The following DYDC1 variants were observed in gnomAD, a reference collection of about 807,000 sequenced individuals.
DYDC1 encodes the protein DPY30 domain containing 1, also known as DPY30 domain-containing protein 1.
Under a neutral mutation model 27.9 loss-of-function variants are expected in DYDC1, and 21 were observed. That is an observed-to-expected ratio of 0.75 (90% confidence interval 0.53 to 1.08). The LOEUF (loss-of-function observed/expected upper bound fraction) is 1.08, where lower values mean the gene tolerates loss of function less well. Among genes scored for constraint, DYDC1 ranks in the 50% least tolerant of loss-of-function variants. DYDC1 has a pLI of 0.00. For missense variants in DYDC1, 202 were observed against 205.9 expected, an observed-to-expected ratio of 0.98 and a Z score of 0.12; for synonymous variants, 67 against 65.8, an observed-to-expected ratio of 1.02 and a Z score of -0.09.
At chr10:80,345,246 C>T (rs1842541703) in intron 3 of DYDC1, among the ~76,000 whole-genome samples, 1 of 152,142 alleles carries the variant, frequency 6.6e-6, no homozygotes, top group Admixed American at 6.5e-5. Context: ...TCCTGATGTC[C>T]TACCACACAG....
intron 1 of DYDC1, 100 bp from the exon 2 acceptor site, chr10:80,352,710 C>T: frequency 7.3e-7 from 1 of 1,364,998 alleles, no homozygotes; most frequent in African/African-American, 1.5e-5. Flanking sequence ...ATACACCCTG[C>T]CCTCAGTCAT....
At chr10:80,348,662 T>C (rs899039309) in intron 3 of DYDC1, among the ~76,000 whole-genome samples, 28 of 152,228 alleles carry the variant, frequency 1.8e-4, no homozygotes, top group African/African-American at 6.8e-4. Context: ...ACTATGCAAT[T>C]AAGAAGCTTC....
At chr10:80,339,754 C>A (rs755776724) in intron 4 of DYDC1, among the ~76,000 whole-genome samples, 1 of 152,084 alleles carries the variant, frequency 6.6e-6, no homozygotes, top group Admixed American at 6.6e-5. Context: ...CCTAACTGAC[C>A]CTGAGCTGAT....
rs1454911091 is a variant in DYDC1 at position 80,352,446 on chromosome 10, C to T, written c.147+9G>A. On this transcript the variant is annotated intron_variant, in intron 2 of 6. Coordinates refer to ENST00000372202, the MANE Select transcript of DYDC1 (RefSeq NM_001269053.2). ...TCTTCTAATTTCCTAGAAGGAGATT[C>T]CTACTTACCAGTTGTTCCATGGTCA... is the stretch of plus-strand genomic sequence containing the variant. 2.5e-6 allele frequency: 4 copies of T among 1,577,746 alleles called. No homozygotes were observed. The highest frequency in any genetic ancestry group is 2.6e-6 in the Non-Finnish European group (3 of 1,165,590).
intron 3 of DYDC1, among the ~76,000 whole-genome samples, chr10:80,350,606 T>C (rs543704575): frequency 6.6e-6 from 1 of 152,334 alleles, no homozygotes; most frequent in South Asian, 2.1e-4. Context: ...CCTGCAGTTT[T>C]CTACCTCAAT....
intron 3 of DYDC1, among the ~76,000 whole-genome samples, chr10:80,349,128 T>G (rs1842839413): frequency 6.6e-6 from 1 of 152,190 alleles, no homozygotes; most frequent in Admixed American, 6.5e-5. Context: ...CCTGACCCTG[T>G]GATCCGCCCG....
chr10:80,354,146 T>A (rs953062792), intron 1 of DYDC1, among the ~76,000 whole-genome samples: 65 of 145,790 alleles, frequency 4.5e-4, no homozygotes, highest in African/African-American at 1.3e-3. Flanking sequence ...ATATATATAT[T>A]TTTTCCTGAG....
chr10:80,351,516 G>A (rs113433299), intron 3 of DYDC1, among the ~76,000 whole-genome samples: 224 of 138,416 alleles, frequency 1.6e-3, no homozygotes, highest in African/African-American at 5.2e-3. Context: ...CACTGTTCCC[G>A]CCAAATTACG....
chr10:80,338,770 T>C (rs1028633915), intron 5 of DYDC1, among the ~76,000 whole-genome samples, 199 bp from the exon 6 acceptor site: 36 of 152,332 alleles, frequency 2.4e-4, no homozygotes, highest in African/African-American at 8.2e-4. Context: ...GCTACAATTC[T>C]GGTAATAAAT....
At chr10:80,352,375 T>C (rs1843046276) in intron 2 of DYDC1, 80 bp downstream of exon 2, 9 of 1,390,534 alleles carry the variant, frequency 6.5e-6, no homozygotes, top group Non-Finnish European at 8.4e-6. Context: ...AGAAAAATAA[T>C]AATGTTAAAC....
At position 80,356,395 on chromosome 10, in the gene DYDC1, C is replaced by T. The variant is rs532871175; in HGVS notation, c.-10+317G>A. 6.1e-6 allele frequency: 6 copies of T among 985,634 alleles called. No individual in the cohort carries two copies. The South Asian group carries it at 1.9e-4, about 31-fold the overall frequency. 61.1% of individuals were successfully genotyped at this position (985,634 alleles called of 1,614,324 possible). A position where few individuals can be genotyped will look rare whatever the true frequency, so the allele number is the denominator to read the frequency against. ...CTAGCCAGCCAGCCAGCCAACTGGG[C>T]GGGGGCACCCGGGCAGGGGTGCCAG... On this transcript the variant is annotated intron_variant, in intron 1 of 6. Transcript: ENST00000372202.
chr10:80,341,772 C>A (rs890061964), intron 4 of DYDC1, among the ~76,000 whole-genome samples: 2 of 152,072 alleles, frequency 1.3e-5, no homozygotes, highest in Admixed American at 6.5e-5. Flanking sequence ...TGCCTGTAAT[C>A]CCAGCACTTT....
chr10:80,356,547 C>T, intron 1 of DYDC1, 165 bp downstream of exon 1: 1 of 985,538 alleles, frequency 1.0e-6, no homozygotes, highest in Non-Finnish European at 1.2e-6. Context: ...AGGAGGACAG[C>T]TGGCCGCTTT....
At chr10:80,351,398 A>G (rs1490380368) in intron 3 of DYDC1, among the ~76,000 whole-genome samples, 2 of 152,140 alleles carry the variant, frequency 1.3e-5, no homozygotes, top group Non-Finnish European at 2.9e-5. Flanking sequence ...CTCTTAAATC[A>G]AAACAAACAC....
chr10:80,355,865 C>T (rs1843335017), intron 1 of DYDC1, among the ~76,000 whole-genome samples: 1 of 151,572 alleles, frequency 6.6e-6, no homozygotes, highest in Admixed American at 6.6e-5. Context: ...CTCAACCATA[C>T]AGAGAAAAGA....
At chr10:80,354,790 C>T (rs987412867) in intron 1 of DYDC1, among the ~76,000 whole-genome samples, 2 of 152,144 alleles carry the variant, frequency 1.3e-5, no homozygotes, top group Non-Finnish European at 2.9e-5. Context: ...CCTCACCAGA[C>T]ACCAGAAATG....
At chr10:80,341,823 G>A (rs994567085) in intron 4 of DYDC1, among the ~76,000 whole-genome samples, 5 of 152,012 alleles carry the variant, frequency 3.3e-5, no homozygotes, top group African/African-American at 4.8e-5. Flanking sequence ...TCAGGAGTTC[G>A]AGACCAACCT....
intron 1 of DYDC1, among the ~76,000 whole-genome samples, chr10:80,354,841 G>A (rs934059517): frequency 2.0e-5 from 3 of 152,178 alleles, no homozygotes; most frequent in South Asian, 2.1e-4. Context: ...CCAGAATGGT[G>A]AGAAATAAAT....
At chr10:80,337,094 A>T in intron 6 of DYDC1, 1 of 982,148 alleles carries the variant, frequency 1.0e-6, no homozygotes, top group Non-Finnish European at 1.2e-6. Context: ...GACGTTAGCC[A>T]TTAATACTGG....
Sources: allele counts gnomAD v4.1 joint callset (sites outside exome capture counted in the v4.1 genomes callset), GRCh38; gene constraint gnomAD v4.1.1; transcripts MANE v1.5; gene names NCBI Gene and HGNC (gene_info 2026-07-23, HGNC 2026-07-21).